Variants in TTI1 observed in about 807,000 individuals in gnomAD.
TTI1 encodes the protein TELO2-interacting protein 1 homolog.
A neutral mutation model predicts 85.4 loss-of-function variants in TTI1; 52 were observed. That is an observed-to-expected ratio of 0.61 (90% CI 0.49 to 0.77). The LOEUF (loss-of-function observed/expected upper bound fraction) is 0.77. Ranked by LOEUF, TTI1 falls within the 30% of genes least tolerant of loss-of-function variation. The pLI, the probability that TTI1 is intolerant of heterozygous loss-of-function variation, is 0.00. For synonymous variants in TTI1, 512 were observed against 503.9 expected (o/e 1.02, Z -0.22); for missense variants, 1,173 against 1,296.0 (o/e 0.91, Z 1.46).
chr20:37,987,652 G>A (rs992510004), intron 7 of TTI1, among the ~76,000 whole-genome samples: 3 of 152,206 alleles, frequency 2.0e-5, no homozygotes, highest in South Asian at 2.1e-4. Flanking sequence ...CTGTAAGGCC[G>A]TGTAGCTTAA....
At chr20:38,015,431 A>T (rs1231233849) in intron 1 of TTI1, among the ~76,000 whole-genome samples, 1 of 152,144 alleles carries the variant, frequency 6.6e-6, no homozygotes. Flanking sequence ...GTCTAATGAC[A>T]TCCCATGTGC....
intron 7 of TTI1, among the ~76,000 whole-genome samples, chr20:37,993,372 G>A (rs562855218): frequency 1.3e-4 from 20 of 152,214 alleles, no homozygotes; most frequent in Non-Finnish European, 1.5e-5. Context: ...CTGCCTGGAT[G>A]TAAAAGCCTG....
At position 38,006,209 on chromosome 20, in the gene TTI1, CA is replaced by C. The variant is rs1203476289; in HGVS notation, c.2490del (p.Phe830LeufsTer33). 6.2e-7 allele frequency: 1 copy of C among 1,614,048 alleles called. No homozygotes were observed. Among genetic ancestry groups the C allele is most frequent in the African/African-American group, 1.3e-5 (1 of 74,944 alleles). The stretch of plus-strand genomic sequence containing the variant: ...ATAAACAAGTTACCTTCTTCATTAT[CA>C]AAATCCGAGACATTTCCATCTGCCA... ...KDVADGNVSD[F>X]DNEEEEQSVP... On this transcript the variant is annotated frameshift_variant, in exon 3 of 8. Coordinates refer to ENST00000373447, the MANE Select transcript of TTI1 (RefSeq NM_001303457.2). LOFTEE classifies it high-confidence loss of function.
chr20:38,016,323 T>C (rs1009231875), intron 1 of TTI1, among the ~76,000 whole-genome samples: 2 of 152,176 alleles, frequency 1.3e-5, no homozygotes, highest in African/African-American at 4.8e-5. Context: ...GTATACAAAA[T>C]GGACAAAATC....
chr20:38,009,787 G>A (rs1228598207), intron 2 of TTI1, among the ~76,000 whole-genome samples: 1 of 152,192 alleles, frequency 6.6e-6, no homozygotes, highest in Non-Finnish European at 1.5e-5. Flanking sequence ...ACAGGTGTGA[G>A]CCACGGCACC....
rs117494733 is a variant in TTI1 at position 38,005,356 on chromosome 20, G to A, written c.2503+841C>T. Among the ~76,000 whole-genome samples the A allele has an allele frequency of 4.7e-3, 715 of 152,226 alleles. 5 individuals carry two copies. Among genetic ancestry groups the A allele is most frequent in the Non-Finnish European group, 7.1e-3 (483 of 68,016 alleles). ...TGACCTGAAGCTCCAGATTGAGCTT[G>A]TGAATAAAACAACAGGCCAGAGCTT... On this transcript the variant is annotated intron_variant, in intron 3 of 7. Transcript: ENST00000373447.
intron 1 of TTI1, among the ~76,000 whole-genome samples, chr20:38,016,674 GA>G: frequency 6.6e-6 from 1 of 152,288 alleles, no homozygotes; most frequent in South Asian, 2.1e-4. Context: ...CAAATCTGCT[GA>G]TGATGATAAC....
At chr20:38,022,812 T>C (rs1373202891) in intron 1 of TTI1, among the ~76,000 whole-genome samples, 1 of 152,206 alleles carries the variant, frequency 6.6e-6, no homozygotes, top group Non-Finnish European at 1.5e-5. Context: ...TAAGATGAAA[T>C]AGGTACTTGT....
At chr20:38,000,972 C>T (rs955500378) in intron 4 of TTI1, among the ~76,000 whole-genome samples, 12 of 152,208 alleles carry the variant, frequency 7.9e-5, no homozygotes, top group African/African-American at 2.4e-4. Flanking sequence ...GGTTTTGCAC[C>T]GAGTAGGTAC....
intron 2 of TTI1, among the ~76,000 whole-genome samples, chr20:38,007,939 T>C (rs968365585): frequency 1.3e-5 from 2 of 152,238 alleles, no homozygotes; most frequent in African/African-American, 4.8e-5. Context: ...GCATTTACAC[T>C]GCTAAGACTA....
Position 37,983,611 on chromosome 20 carries a change from G to C in TTI1, c.3115C>G (p.Pro1039Ala), listed in dbSNP as rs766776447. ...TTCAGGAGGAACCAGGTGGAGTCTG[G>C]GTCCACCTTCATCAAGTGGAGGAAG... ...SVFLHLMKVDPDSTWFLLNEL... is the reference protein window; with the variant it reads ...SVFLHLMKVDADSTWFLLNEL... The change falls in exon 8 of 8, where the codon CCA (proline) becomes GCA (alanine). Residue 1039 changes from proline (P) to alanine (A), a missense_variant. Coordinates refer to ENST00000373447, the MANE Select transcript of TTI1 (RefSeq NM_001303457.2). The C allele has an allele frequency of 6.5e-7, 1 of 1,544,186 alleles. No homozygotes were observed. Among genetic ancestry groups the C allele is most frequent in the South Asian group, 1.2e-5 (1 of 80,784 alleles).
chr20:38,017,247 T>C (rs924910703), intron 1 of TTI1, among the ~76,000 whole-genome samples: 3 of 152,178 alleles, frequency 2.0e-5, no homozygotes, highest in African/African-American at 4.8e-5. Context: ...AAGTAGGATA[T>C]AGTATGGTTT....
intron 1 of TTI1, among the ~76,000 whole-genome samples, chr20:38,032,716 T>A (rs1229924901): frequency 6.6e-6 from 1 of 152,188 alleles, no homozygotes; most frequent in African/African-American, 2.4e-5. Flanking sequence ...GAACTGCAGG[T>A]GAGCGTCACC....
At chr20:38,002,359 C>T (rs1444391760) in intron 4 of TTI1, among the ~76,000 whole-genome samples, 1 of 152,214 alleles carries the variant, frequency 6.6e-6, no homozygotes, top group African/African-American at 2.4e-5. Flanking sequence ...TTCCAAAGCA[C>T]ATGGCTTTCT....
At chr20:37,994,899 G>A (rs181409755) in intron 7 of TTI1, among the ~76,000 whole-genome samples, 51 of 152,290 alleles carry the variant, frequency 3.3e-4, no homozygotes, top group African/African-American at 1.2e-3. Flanking sequence ...AATGAATTGA[G>A]AATATTAGCT....
chr20:38,012,754 G>A lies in TTI1; in HGVS notation c.1063C>T (p.Leu355=), dbSNP rs1325618386. 10 of 1,614,048 alleles carry A rather than the reference G, an allele frequency of 6.2e-6. No individual in the cohort carries two copies. Among genetic ancestry groups the A allele is most frequent in the Non-Finnish European group, 7.6e-6 (9 of 1,180,046 alleles). ...ACTTTTTGATCTGCAAAATGTCTCA[G>A]AACTTTATTGCACTGGGCTTGGATT... is the stretch of plus-strand genomic sequence containing the variant. The part of the protein sequence containing the change: ...PEIQAQCNKV[L]RHFADQKVVV... Residue 355 remains leucine, a synonymous_variant, in exon 2 of 8, where the codon CTG becomes TTG. Transcript: ENST00000373447.
At chr20:37,991,402 A>T (rs2073261990) in intron 7 of TTI1, among the ~76,000 whole-genome samples, 1 of 152,178 alleles carries the variant, frequency 6.6e-6, no homozygotes, top group African/African-American at 2.4e-5. Flanking sequence ...GTGGGTAAAG[A>T]GAGGAGTTGG....
At chr20:37,992,757 T>C (rs1466974230) in intron 7 of TTI1, among the ~76,000 whole-genome samples, 1 of 152,176 alleles carries the variant, frequency 6.6e-6, no homozygotes, top group Admixed American at 6.5e-5. Context: ...TAAGTACATG[T>C]ATGGACTTGA....
In TTI1 at chr20:37,983,115, G is replaced by A; in HGVS notation, c.*341C>T. 1 of 178,132 alleles carries A rather than the reference G, an allele frequency of 5.6e-6. No homozygotes were observed. Among genetic ancestry groups the A allele is most frequent in the Non-Finnish European group, 1.2e-5 (1 of 84,256 alleles). The allele number at this position is 178,132 out of a possible 1,614,324, so 11.0% of individuals were successfully genotyped here. On this transcript the variant is annotated 3_prime_UTR_variant, in exon 8 of 8. Transcript: ENST00000373447. Reference sequence around the variant, plus strand: ...GTTCCATCTCATTATTTGAAGACAGGGAGGTGTATGCAGATGGAGGGGAAC... The same window carrying A: ...GTTCCATCTCATTATTTGAAGACAGAGAGGTGTATGCAGATGGAGGGGAAC...
Sources: allele counts gnomAD v4.1 joint callset (sites outside exome capture counted in the v4.1 genomes callset), GRCh38; gene constraint gnomAD v4.1.1; transcripts MANE v1.5; gene names NCBI Gene and HGNC (gene_info 2026-07-23, HGNC 2026-07-21).